Variants in KCNA4 observed in about 807,000 individuals in gnomAD.
KCNA4 encodes potassium voltage-gated channel subfamily A member 4, also known as cardiac potassium channel.
A neutral mutation model predicts 37.2 loss-of-function variants in KCNA4; 5 were observed. The observed-to-expected ratio is 0.13, with a 90% CI of 0.07 to 0.28. The LOEUF (loss-of-function observed/expected upper bound fraction) is 0.28, where lower values mean the gene tolerates loss of function less well. KCNA4 is among the 10% of genes least tolerant of loss of function. The probability of loss-of-function intolerance (pLI) is 1.00; values close to 1 mark genes in which losing one functional copy is unlikely to be tolerated. For missense variants in KCNA4, 634 were observed against 817.4 expected (o/e 0.78, Z 2.74); for synonymous variants, 350 against 311.8 (o/e 1.12, Z -1.29).
chr11:30,011,296 G>A lies in KCNA4; in HGVS notation c.1383C>T (p.Ser461=), dbSNP rs1323185549. Residue 461 remains serine (S), a synonymous_variant, in exon 2 of 2, where the codon TCC becomes TCT. Coordinates refer to ENST00000328224, the MANE Select transcript of KCNA4 (RefSeq NM_002233.4). The surrounding 1 kb of genome is among the most constrained non-coding windows in gnomAD (Gnocchi z 5.6). ...VFRIFKLSRH[S]KGLQILGHTL... ...TGTGGCCCAGGATCTGCAGGCCTTT[G>A]GAGTGCCTGGAGAGTTTGAAGATCC... The A allele has an allele frequency of 6.2e-7, 1 of 1,614,162 alleles. No homozygotes were observed. Among genetic ancestry groups the A allele is most frequent in the Non-Finnish European group, 8.5e-7 (1 of 1,180,042 alleles).
chr11:30,016,480 C>T (rs1850352001), intron 1 of KCNA4, 92 bp downstream of exon 1: 1 of 146,118 alleles, frequency 6.8e-6, no homozygotes, highest in Non-Finnish European at 1.5e-5. Context: ...ATTATTTATC[C>T]CTCAAATGTC....
rs549742327 is a variant in KCNA4, at chr11:30,015,386, G to C, written c.-783+1186C>G. ...TCAATGAAGCCCCAATGTAACCCAA[G>C]TTCCTGTATAGTTGAATACTACACA... On this transcript the variant is annotated intron_variant, in intron 1 of 1. Transcript: ENST00000328224. Among the ~76,000 whole-genome samples the C allele has an allele frequency of 3.9e-5, 6 of 152,206 alleles. No homozygotes were observed. The East Asian group carries it at 7.7e-4, about 20-fold the overall frequency.
rs1305179852 is a variant in KCNA4, at chr11:30,013,414, A to C, written c.-736T>G. 1 of 167,050 alleles carries C rather than the reference A, an allele frequency of 6.0e-6. No individual in the cohort carries two copies. The highest frequency in any genetic ancestry group is 1.5e-5 in the Non-Finnish European group (1 of 68,142). 10.3% of individuals were successfully genotyped at this position (167,050 alleles called of 1,614,324 possible). On this transcript the variant is annotated 5_prime_UTR_variant, in exon 2 of 2. It adds an upstream start codon to the 5' untranslated region. Coordinates refer to ENST00000328224, the MANE Select transcript of KCNA4 (RefSeq NM_002233.4). Reference sequence around the variant, plus strand: ...CTGAGGTCTCCATAGAAATCAAGGAAATGCAGAGCATTCTTCAGCCAAAAT... The same window carrying C: ...CTGAGGTCTCCATAGAAATCAAGGACATGCAGAGCATTCTTCAGCCAAAAT...
In KCNA4 at chr11:30,011,661, T is replaced by G; in HGVS notation, c.1018A>C (p.Met340Leu). 1 of 1,614,090 alleles carries G rather than the reference T, an allele frequency of 6.2e-7. No individual in the cohort carries two copies. Among genetic ancestry groups the G allele is most frequent in the South Asian group, 1.1e-5 (1 of 91,082 alleles). The stretch of plus-strand genomic sequence containing the variant: ...CCATGCCCGCCAGCACTCAGTGCCA[T>G]GACGAGATCCCTGTCGTCCCTAAAC... Reference protein sequence around the residue: ...PEFRDDRDLVMALSAGGHGGL... With the variant: ...PEFRDDRDLVLALSAGGHGGL... The change falls in exon 2 of 2, where the codon ATG becomes CTG. Residue 340 changes from methionine (M) to leucine (L), a missense_variant. Physicochemically the swap from Met to Leu is conservative, Grantham distance 15 (BLOSUM62 2). Transcript: ENST00000328224. The surrounding 1 kb of genome is among the most constrained non-coding windows in gnomAD (Gnocchi z 5.6).
chr11:30,012,015 C>CA lies in KCNA4; in HGVS notation c.663dup (p.Asp222Ter). The CA allele has an allele frequency of 6.2e-7, 1 of 1,613,928 alleles. No homozygotes were observed. Among genetic ancestry groups the CA allele is most frequent in the Non-Finnish European group, 8.5e-7 (1 of 1,179,968 alleles). On this transcript the variant is annotated frameshift_variant, in exon 2 of 2. Coordinates refer to ENST00000328224, the MANE Select transcript of KCNA4 (RefSeq NM_002233.4). LOFTEE classifies it high-confidence loss of function. The stretch of plus-strand genomic sequence containing the variant: ...GCATCAAAGCTGGGGCGGTTCCTGT[C>CA]AAAAAAATACTCATTGCGCAAAGGG...
intron 1 of KCNA4, among the ~76,000 whole-genome samples, chr11:30,014,566 C>A (rs1850334545): frequency 6.6e-6 from 1 of 151,834 alleles, no homozygotes; most frequent in Non-Finnish European, 1.5e-5. Context: ...AACATCCCCC[C>A]TCCTCTCTCT....
Position 30,012,690 on chromosome 11 carries a change from TC to T in KCNA4, c.-13del. On this transcript the variant is annotated 5_prime_UTR_variant, in exon 2 of 2. Transcript: ENST00000328224. ...ATTGCAACCTCCATGGTGGTGGTTTTCGGAAATGGCTGGTTCCAGTTGTAGA... is the reference window on the plus strand; with the variant it reads ...ATTGCAACCTCCATGGTGGTGGTTTTGGAAATGGCTGGTTCCAGTTGTAGA... The T allele has an allele frequency of 6.6e-7, 1 of 1,522,448 alleles. No individual in the cohort carries two copies. Among genetic ancestry groups the T allele is most frequent in the Non-Finnish European group, 8.8e-7 (1 of 1,134,868 alleles). The allele number at this position is 1,522,448 out of a possible 1,614,324, so 94.3% of individuals were successfully genotyped here. A position where few individuals can be genotyped will look rare whatever the true frequency, so the allele number is the denominator to read the frequency against.
rs1167183329 is a variant in KCNA4, at chr11:30,013,453, C to T, written c.-775G>A. 1.8e-5 allele frequency: 3 copies of T among 166,264 alleles called. No homozygotes were observed. The highest frequency in any genetic ancestry group is 6.5e-5 in the Admixed American group (1 of 15,282). 10.3% of individuals were successfully genotyped at this position (166,264 alleles called of 1,614,324 possible). ...TTCAGCCAAAATCATGCAGAAGAAG[C>T]ACTTCACCTGAAAAAGGATTGGAAA... On this transcript the variant is annotated 5_prime_UTR_variant, in exon 2 of 2. Transcript: ENST00000328224.
Position 30,010,921 on chromosome 11 carries a change from A to G in KCNA4, c.1758T>C (p.Cys586=). The G allele has an allele frequency of 6.2e-7, 1 of 1,614,176 alleles. No individual in the cohort carries two copies. Among genetic ancestry groups the G allele is most frequent in the Non-Finnish European group, 8.5e-7 (1 of 1,180,026 alleles). ...TGAGCAAATTAGAGGGGAGGTATGG[A>G]CAACTGACTGCATTCTGCGTTAGCT... The part of the protein sequence containing the change: ...QTQLTQNAVS[C]PYLPSNLLKK... The change falls in exon 2 of 2, where the codon TGT becomes TGC. Residue 586 remains cysteine, a synonymous_variant. Coordinates refer to ENST00000328224, the MANE Select transcript of KCNA4 (RefSeq NM_002233.4).
chr11:30,011,898 A>G lies in KCNA4; in HGVS notation c.781T>C (p.Leu261=), dbSNP rs766163722. The change falls in exon 2 of 2, where the codon TTG becomes CTG. Residue 261 remains leucine (L), a synonymous_variant. Coordinates refer to ENST00000328224, the MANE Select transcript of KCNA4 (RefSeq NM_002233.4). This position sits in a 1 kb window ranked among gnomAD's most constrained non-coding sequence, Gnocchi z 5.6. The stretch of plus-strand genomic sequence containing the variant: ...AACTTCAACAGGGCCTCCTCCCCCA[A>G]CTGATAGAACTTCACCTCCTCAGTG... ...IFTEEVKFYQ[L]GEEALLKFRE... is the part of the protein sequence containing the mutation. 11 of 1,613,978 alleles carry G rather than the reference A, an allele frequency of 6.8e-6. No homozygotes were observed. In the East Asian group the frequency reaches 1.3e-4, roughly 20 times the overall value.
At chr11:30,014,716 T>A (rs1259985315) in intron 1 of KCNA4, among the ~76,000 whole-genome samples, 3 of 152,110 alleles carry the variant, frequency 2.0e-5, no homozygotes, top group Non-Finnish European at 4.4e-5. Flanking sequence ...ATCCAGGTAA[T>A]TCATCTCCTC....
Position 30,012,762 on chromosome 11 carries a change from A to C in KCNA4, c.-84T>G, listed in dbSNP as rs1440374437. 2.7e-6 allele frequency: 4 copies of C among 1,503,172 alleles called. No homozygotes were observed. The highest frequency in any genetic ancestry group is 3.6e-6 in the Non-Finnish European group (4 of 1,125,772). The allele number at this position is 1,503,172 out of a possible 1,614,324, so 93.1% of individuals were successfully genotyped here. A position where few individuals can be genotyped will look rare whatever the true frequency, so the allele number is the denominator to read the frequency against. On this transcript the variant is annotated 5_prime_UTR_variant, in exon 2 of 2. Coordinates refer to ENST00000328224, the MANE Select transcript of KCNA4 (RefSeq NM_002233.4). ...GGCAGCTTCTTTTCTCACCAAATTAAGGTAAGTTTGGAACCCTTAAGCAGA... is the reference window on the plus strand; with the variant it reads ...GGCAGCTTCTTTTCTCACCAAATTACGGTAAGTTTGGAACCCTTAAGCAGA...
rs555669548 is a variant in KCNA4 at position 30,013,014 on chromosome 11, T to C, written c.-336A>G. 54 of 222,762 alleles carry C rather than the reference T, an allele frequency of 2.4e-4. No individual in the cohort carries two copies. The highest frequency in any genetic ancestry group is 1.5e-3 in the Admixed American group (26 of 17,234). The allele number at this position is 222,762 out of a possible 1,614,324, so 13.8% of individuals were successfully genotyped here. ...TTGAAATTTGGAAATATGTCTGGGA[T>C]GTGGTTAGTGATGTTGCTGCAAGAT... On this transcript the variant is annotated 5_prime_UTR_variant, in exon 2 of 2. Transcript: ENST00000328224.
chr11:30,012,664 C>A lies in KCNA4; in HGVS notation c.15G>T (p.Met5Ile). ...TGCACCCTGAGCTCTCCGCACTCAC[C>A]ATTGCAACCTCCATGGTGGTGGTTT... The part of the protein sequence containing the change: MEVA[M>I]VSAESSGCNS... Residue 5 changes from methionine to isoleucine, a missense_variant, in exon 2 of 2, where the codon ATG becomes ATT. By Grantham distance (10) the Met-to-Ile change is conservative. This residue lies in a region of KCNA4 where 236 missense variants were observed against 229.5 expected (regional missense o/e 1.03). Coordinates refer to ENST00000328224, the MANE Select transcript of KCNA4 (RefSeq NM_002233.4). The A allele has an allele frequency of 6.5e-7, 1 of 1,548,720 alleles. No individual in the cohort carries two copies. Among genetic ancestry groups the A allele is most frequent in the South Asian group, 1.2e-5 (1 of 82,638 alleles).
Position 30,016,683 on chromosome 11 carries a change from CG to C in KCNA4, c.-895del, listed in dbSNP as rs1850355538. On this transcript the variant is annotated 5_prime_UTR_variant, in exon 1 of 2. Transcript: ENST00000328224. ...GGGAAGAATGATCCTGGGTGGGGGG[CG>C]GGGGGTGGTAAAAGGAATCACTCGG... The C allele has an allele frequency of 4.2e-5, 10 of 239,692 alleles. No individual in the cohort carries two copies. The highest frequency in any genetic ancestry group is 1.1e-4 in the East Asian group (2 of 17,880). 14.8% of individuals were successfully genotyped at this position (239,692 alleles called of 1,614,324 possible).
Position 30,010,895 on chromosome 11 carries a change from T to C in KCNA4, c.1784A>G (p.Lys595Arg). The change falls in exon 2 of 2, where the codon AAG (lysine) becomes AGG (arginine). Residue 595 changes from lysine (K) to arginine (R), a missense_variant. By Grantham distance (26) the Lys-to-Arg change is conservative (BLOSUM62 2). Coordinates refer to ENST00000328224, the MANE Select transcript of KCNA4 (RefSeq NM_002233.4). Reference protein sequence around the residue: ...SCPYLPSNLLKKFRSSTSSSL... With the variant: ...SCPYLPSNLLRKFRSSTSSSL... Reference sequence around the variant, plus strand: ...AGAAGAAGTAGAGCTCCGAAATTTCTTGAGCAAATTAGAGGGGAGGTATGG... The same window carrying C: ...AGAAGAAGTAGAGCTCCGAAATTTCCTGAGCAAATTAGAGGGGAGGTATGG... The C allele has an allele frequency of 6.2e-7, 1 of 1,614,216 alleles. No homozygotes were observed. Among genetic ancestry groups the C allele is most frequent in the Non-Finnish European group, 8.5e-7 (1 of 1,180,036 alleles).
At chr11:30,015,322 C>T (rs1002020752) in intron 1 of KCNA4, among the ~76,000 whole-genome samples, 23 of 152,152 alleles carry the variant, frequency 1.5e-4, no homozygotes, top group African/African-American at 5.3e-4. Flanking sequence ...TGAGAGTTTG[C>T]TCAGTTTCTT....
At position 30,010,535 on chromosome 11, in the gene KCNA4, A is replaced by G. The variant is rs45461901; in HGVS notation, c.*182T>C. The G allele has an allele frequency of 0.016, 15,042 of 966,734 alleles. 166 individuals are homozygous for G. Among genetic ancestry groups the G allele is most frequent in the Admixed American group, 0.034 (955 of 28,410 alleles). 59.9% of individuals were successfully genotyped at this position (966,734 alleles called of 1,614,324 possible). ...TGCTCCTATTCCTCCCTCTTCTCCAAGATGTATCATTTATTTGATATGTAA... is the reference window on the plus strand; with the variant it reads ...TGCTCCTATTCCTCCCTCTTCTCCAGGATGTATCATTTATTTGATATGTAA... On this transcript the variant is annotated 3_prime_UTR_variant, in exon 2 of 2. Transcript: ENST00000328224.
Position 30,016,877 on chromosome 11 carries a change from G to C in KCNA4, c.-1088C>G, listed in dbSNP as rs886115183. 1 of 398,440 alleles carries C rather than the reference G, an allele frequency of 2.5e-6. No individual in the cohort carries two copies. The highest frequency in any genetic ancestry group is 2.1e-5 in the African/African-American group (1 of 48,632). The allele number at this position is 398,440 out of a possible 1,614,324, so 24.7% of individuals were successfully genotyped here. A position where few individuals can be genotyped will look rare whatever the true frequency, so the allele number is the denominator to read the frequency against. On this transcript the variant is annotated 5_prime_UTR_variant, in exon 1 of 2. Coordinates refer to ENST00000328224, the MANE Select transcript of KCNA4 (RefSeq NM_002233.4). ...GAGTTCAGCACAGGAGGGATTGCCT[G>C]GGAAAGGAAGTCAAGGTTCCCCCGA...
Sources: gnomAD v4.1 joint callset for allele counts (sites outside exome capture counted in the v4.1 genomes callset) on GRCh38, gnomAD v4.1.1 for gene constraint, gnomAD v4.1.1 regional missense constraint, Gnocchi (gnomAD v3.1) non-coding constraint, MANE v1.5 for transcripts, NCBI Gene and HGNC (gene_info 2026-07-23, HGNC 2026-07-21) for gene names.